The following MID1 variants were observed in gnomAD, a reference collection of about 807,000 sequenced individuals.
MID1 encodes E3 ubiquitin-protein ligase Midline-1.
In MID1, 7 loss-of-function variants were observed where a neutral mutation model predicts 40.4. That is an observed-to-expected ratio of 0.17 (90% CI 0.10 to 0.33). MID1 has a LOEUF of 0.33. Ranked by LOEUF, MID1 falls within the 10% of genes least tolerant of loss-of-function variation. MID1 has a pLI of 1.00. For synonymous variants in MID1, 229 were observed against 221.2 expected, an observed-to-expected ratio of 1.04 and a Z score of -0.31; for missense variants, 367 against 558.5, an observed-to-expected ratio of 0.66 and a Z score of 3.46.
intron 1 of MID1, among the ~76,000 whole-genome samples, chrX:10,709,402 G>A (rs140192888): frequency 0.01 from 1,158 of 112,335 alleles, 22 homozygotes; most frequent in African/African-American, 0.036. Flanking sequence ...GCAATGAACT[G>A]CATGGTTGTT....
At chrX:10,702,487 TA>T (rs1439889617) in intron 1 of MID1, among the ~76,000 whole-genome samples, 2 of 112,645 alleles carry the variant, frequency 1.8e-5, no homozygotes, top group South Asian at 3.7e-4. Context: ...AAAAGTTCCT[TA>T]AAAAATTTAA....
chrX:10,674,623 G>A (rs182251599), intron 1 of MID1, among the ~76,000 whole-genome samples: 1 of 112,212 alleles, frequency 8.9e-6, no homozygotes, highest in East Asian at 2.8e-4. Context: ...AATAATGAAG[G>A]TAAATAGTCT....
chrX:10,812,773 C>T (rs975559301), intron 1 of MID1, among the ~76,000 whole-genome samples: 1 of 111,207 alleles, frequency 9.0e-6, no homozygotes, highest in Non-Finnish European at 1.9e-5. Context: ...AGAAATTGGG[C>T]GAGAAGCATG....
chrX:10,583,270 AAAATG>A (rs747257324), intron 1 of MID1, among the ~76,000 whole-genome samples: 1 of 112,536 alleles, frequency 8.9e-6, no homozygotes, highest in East Asian at 2.8e-4. Context: ...ACTCATACAT[AAAATG>A]AAAGAAATAA....
intron 1 of MID1, among the ~76,000 whole-genome samples, chrX:10,722,765 T>A (rs1273678510): frequency 8.9e-6 from 1 of 111,850 alleles, no homozygotes; most frequent in Non-Finnish European, 1.9e-5. Flanking sequence ...GGCAGAATCC[T>A]CTCTTGCAAT....
chrX:10,696,831 T>C (rs2043166313), intron 1 of MID1, among the ~76,000 whole-genome samples: 1 of 112,066 alleles, frequency 8.9e-6, no homozygotes, highest in Admixed American at 9.5e-5. Flanking sequence ...TGTAGAACAA[T>C]GATGTATCCA....
At chrX:10,491,190 T>A (rs2147313547) in intron 4 of MID1, among the ~76,000 whole-genome samples, 1 of 111,930 alleles carries the variant, frequency 8.9e-6, no homozygotes, top group African/African-American at 3.2e-5. Context: ...TTTTCTTTAT[T>A]TTTTTTAACA....
Position 10,679,712 on chromosome X carries a change from G to A in MID1, c.-186-59293C>T, listed in dbSNP as rs746061569. ...AGCATAAGTCAAGAGACAAACTGAA[G>A]AGGATGGGATAGACTTCCGTGGTTT... On this transcript the variant is annotated intron_variant, in intron 1 of 10. Transcript: ENST00000380785. Among the ~76,000 whole-genome samples the A allele has an allele frequency of 2.7e-5, 3 of 111,969 alleles. No individual in the cohort carries two copies. The East Asian group carries it at 8.4e-4, about 31-fold the overall frequency.
chrX:10,640,082 C>T (rs1021589595), intron 1 of MID1, among the ~76,000 whole-genome samples: 9 of 111,991 alleles, frequency 8.0e-5, no homozygotes, highest in Admixed American at 6.6e-4. Context: ...TAAAGACCAT[C>T]AGTGCTAGGA....
In MID1 at chrX:10,450,112, C is replaced by T. The variant is rs185559371; in HGVS notation, c.1656-396G>A. ...GTTCTGCTCTCCTCGATATGGTAACCACAAGCCACATATGGCTACTGGGCA... is the reference window on the plus strand; with the variant it reads ...GTTCTGCTCTCCTCGATATGGTAACTACAAGCCACATATGGCTACTGGGCA... On this transcript the variant is annotated intron_variant, in intron 9 of 9. Transcript: ENST00000317552. Among the ~76,000 whole-genome samples the T allele has an allele frequency of 6.2e-5, 7 of 112,488 alleles. No individual in the cohort carries two copies. The Admixed American group carries it at 6.6e-4, about 11-fold the overall frequency.
chrX:10,816,575 G>A (rs541418781), intron 1 of MID1, among the ~76,000 whole-genome samples: 1 of 111,663 alleles, frequency 9.0e-6, no homozygotes, highest in African/African-American at 3.3e-5. Context: ...CTGGGTTCCC[G>A]AAGATTTTCT....
upstream of MID1, among the ~76,000 whole-genome samples, chrX:10,625,186 C>T (rs777939799): frequency 6.3e-5 from 7 of 111,597 alleles, no homozygotes; most frequent in South Asian, 3.8e-4. Context: ...CTGGCAGGTG[C>T]GGACTCTGTA....
chrX:10,490,396 G>A (rs1028954231), intron 4 of MID1, among the ~76,000 whole-genome samples: 9 of 111,504 alleles, frequency 8.1e-5, no homozygotes, highest in African/African-American at 2.6e-4. Context: ...CTTATTCTAT[G>A]TCAGATGTTT....
At chrX:10,605,270 AAATT>A (rs1490161770) in intron 1 of MID1, among the ~76,000 whole-genome samples, 2 of 111,934 alleles carry the variant, frequency 1.8e-5, no homozygotes, top group African/African-American at 6.5e-5. Flanking sequence ...ATAACTCTAA[AAATT>A]AATTAACCTC....
intron 1 of MID1, among the ~76,000 whole-genome samples, chrX:10,707,373 A>G (rs1269670965): frequency 8.9e-6 from 1 of 111,836 alleles, no homozygotes; most frequent in Non-Finnish European, 1.9e-5. Flanking sequence ...ATTGGTTTAA[A>G]ACTCAGTCAC....
chrX:10,815,023 T>C (rs1338669451), intron 1 of MID1, among the ~76,000 whole-genome samples: 1 of 112,195 alleles, frequency 8.9e-6, no homozygotes, highest in Non-Finnish European at 1.9e-5. Context: ...TGCAGGTTTT[T>C]TGTGAACATT....
chrX:10,554,574 A>G (rs973082443), intron 2 of MID1, among the ~76,000 whole-genome samples: 3 of 112,025 alleles, frequency 2.7e-5, no homozygotes, highest in Admixed American at 9.5e-5. Flanking sequence ...ATCTGTAATG[A>G]TCAAGTCAGG....
In MID1 at chrX:10,531,190, C is replaced by T. The variant is rs185013188; in HGVS notation, c.661-8003G>A. 7.2e-5 allele frequency among the ~76,000 whole-genome samples: 8 copies of T among 111,575 alleles called. No individual in the cohort carries two copies. The East Asian group carries it at 2.2e-3, about 31-fold the overall frequency. On this transcript the variant is annotated intron_variant, in intron 2 of 9. Transcript: ENST00000317552. ...GACCCATATATTTTCTTCTAAGAAACTTTAATCACAATAGTTAATATGAAA... is the reference window on the plus strand; with the variant it reads ...GACCCATATATTTTCTTCTAAGAAATTTTAATCACAATAGTTAATATGAAA...
intron 4 of MID1, among the ~76,000 whole-genome samples, chrX:10,487,641 C>T (rs1447012911): frequency 9.0e-6 from 1 of 111,404 alleles, no homozygotes; most frequent in Non-Finnish European, 1.9e-5. Context: ...TAACTGTGCC[C>T]ATCCTTTCCT....
Sources: gnomAD v4.1 joint callset for allele counts (sites outside exome capture counted in the v4.1 genomes callset) on GRCh38, gnomAD v4.1.1 for gene constraint, MANE v1.5 for transcripts, NCBI Gene and HGNC (gene_info 2026-07-23, HGNC 2026-07-21) for gene names.